Variants in MTMR3 observed in about 807,000 individuals in gnomAD.
MTMR3 encodes the protein phosphatidylinositol-3,5-bisphosphate 3-phosphatase MTMR3.
Under a neutral mutation model 132.4 loss-of-function variants are expected in MTMR3, and 32 were observed. The observed-to-expected ratio is 0.24, with a 90% CI of 0.18 to 0.32. MTMR3 has a LOEUF of 0.32. Among genes scored for constraint, MTMR3 ranks in the 10% least tolerant of loss-of-function variants. The probability of loss-of-function intolerance (pLI) is 1.00; values close to 1 mark genes in which losing one functional copy is unlikely to be tolerated. For synonymous variants in MTMR3, 556 were observed against 550.3 expected, an observed-to-expected ratio of 1.01 and a Z score of -0.14; for missense variants, 1,216 against 1,489.6, an observed-to-expected ratio of 0.82 and a Z score of 3.02.
intron 2 of MTMR3, among the ~76,000 whole-genome samples, chr22:29,967,945 G>A (rs2066461056): frequency 6.8e-6 from 1 of 146,204 alleles, no homozygotes; most frequent in African/African-American, 2.5e-5. Flanking sequence ...GTGTGTGTGT[G>A]TATTTTTTGT....
intron 2 of MTMR3, among the ~76,000 whole-genome samples, chr22:29,967,236 T>TGCATGCGC (rs1555908339): frequency 1.4e-5 from 2 of 139,614 alleles, no homozygotes; most frequent in African/African-American, 5.3e-5. Context: ...TGTGTGTGCA[T>TGCATGCGC]GCGCGCGCGC....
chr22:29,951,627 T>A (rs531283016), intron 1 of MTMR3, among the ~76,000 whole-genome samples: 1 of 152,346 alleles, frequency 6.6e-6, no homozygotes, highest in South Asian at 2.1e-4. Flanking sequence ...GAGTGATTTT[T>A]AAGCATTAAT....
chr22:29,906,130 A>G (rs2065089200), intron 1 of MTMR3, among the ~76,000 whole-genome samples: 1 of 152,158 alleles, frequency 6.6e-6, no homozygotes, highest in Non-Finnish European at 1.5e-5. Context: ...AACCGGGACT[A>G]GGTGTGTACC....
Position 29,928,455 on chromosome 22 carries a change from A to G in MTMR3, c.-137-28581A>G, listed in dbSNP as rs140218390. ...CCAAAGTGGTGGGATTACAGGCATG[A>G]GCCACTGTGCCTGGCCACATTTTTT... On this transcript the variant is annotated intron_variant, in intron 1 of 19. Coordinates refer to ENST00000401950, the MANE Select transcript of MTMR3 (RefSeq NM_021090.4). Among the ~76,000 whole-genome samples, 267 of 152,208 alleles carry G rather than the reference A, an allele frequency of 1.8e-3. 1 individual carries two copies. The highest frequency in any genetic ancestry group is 6.3e-3 in the African/African-American group (260 of 41,554).
At position 29,919,219 on chromosome 22, in the gene MTMR3, GA is replaced by G. The variant is rs901526749; in HGVS notation, c.-138+35865del. 5.3e-5 allele frequency among the ~76,000 whole-genome samples: 8 copies of G among 152,164 alleles called. No homozygotes were observed. The South Asian group carries it at 6.2e-4, about 12-fold the overall frequency. On this transcript the variant is annotated intron_variant, in intron 1 of 19. Coordinates refer to ENST00000401950, the MANE Select transcript of MTMR3 (RefSeq NM_021090.4). Reference sequence around the variant, plus strand: ...TTCTTGTTCTTCCTTTTTTCTGGGGGAAAAAGTTTTCTCTAGGTCTCATCTC... The same window carrying G: ...TTCTTGTTCTTCCTTTTTTCTGGGGGAAAAGTTTTCTCTAGGTCTCATCTC...
chr22:30,012,437 G>C lies in MTMR3; in HGVS notation c.1191G>C (p.Leu397=). 1.2e-6 allele frequency: 2 copies of C among 1,614,146 alleles called. No individual in the cohort carries two copies. The highest frequency in any genetic ancestry group is 1.7e-6 in the Non-Finnish European group (2 of 1,180,028). Residue 397 remains leucine, a synonymous_variant, in exon 13 of 20, where the codon CTG becomes CTC. Coordinates refer to ENST00000401950, the MANE Select transcript of MTMR3 (RefSeq NM_021090.4). ...HLSVLLKSAL[L]VVHAVDQDQR... is the part of the protein sequence containing the mutation. ...CTGTGCTTCTGAAATCAGCGCTTCT[G>C]GTAGTGCATGCTGTGGATCAGGATC...
chr22:29,953,765 T>C (rs2066128004), intron 1 of MTMR3, among the ~76,000 whole-genome samples: 1 of 152,184 alleles, frequency 6.6e-6, no homozygotes, highest in Admixed American at 6.5e-5. Flanking sequence ...TATACCCCTC[T>C]TGGAGATGGA....
chr22:30,023,321 A>G, intron 19 of MTMR3: 1 of 832,564 alleles, frequency 1.2e-6, no homozygotes. Flanking sequence ...CACCCACACG[A>G]GTGGGTGGAT....
In MTMR3 at chr22:29,901,413, A is replaced by G. The variant is rs375683345; in HGVS notation, c.-138+18054A>G. On this transcript the variant is annotated intron_variant, in intron 1 of 19. Coordinates refer to ENST00000401950, the MANE Select transcript of MTMR3 (RefSeq NM_021090.4). ...TGCTTCGGTGGTTTAAGCAGCATCT[A>G]TTTGGTCTTGGTATTAGAGCAATAA... 1.3e-3 allele frequency among the ~76,000 whole-genome samples: 196 copies of G among 152,276 alleles called. 1 individual carries two copies. The South Asian group carries it at 0.029, about 23-fold the overall frequency.
intron 4 of MTMR3, 38 bp from the exon 5 acceptor site, chr22:29,978,898 C>G: frequency 7.4e-7 from 1 of 1,343,744 alleles, no homozygotes; most frequent in Non-Finnish European, 1.0e-6. Context: ...TTTTTTTTAA[C>G]TGCTTCAGAA....
intron 2 of MTMR3, among the ~76,000 whole-genome samples, chr22:29,968,720 C>G (rs1035174547): frequency 6.6e-6 from 1 of 152,194 alleles, no homozygotes; most frequent in African/African-American, 2.4e-5. Flanking sequence ...AATTTCTGTT[C>G]ACAGTGGTGT....
At position 29,948,731 on chromosome 22, in the gene MTMR3, G is replaced by A. The variant is rs867288183; in HGVS notation, c.-137-8305G>A. Among the ~76,000 whole-genome samples, 5 of 151,354 alleles carry A rather than the reference G, an allele frequency of 3.3e-5. 1 individual carries two copies. The Middle Eastern group carries it at 0.017, about 529-fold the overall frequency. ...AACAAAGCATATTAGAATAAGCAGT[G>A]TAAATTTTGCACCTTTCAAAAAGAT... On this transcript the variant is annotated intron_variant, in intron 1 of 19. Transcript: ENST00000401950.
chr22:29,929,468 G>T (rs2065595811), intron 1 of MTMR3, among the ~76,000 whole-genome samples: 1 of 151,706 alleles, frequency 6.6e-6, no homozygotes, highest in African/African-American at 2.4e-5. Flanking sequence ...CATTTCTTTT[G>T]TAATTTTTTT....
rs556703356 is a variant in MTMR3, at chr22:29,934,000, T to C, written c.-137-23036T>C. ...ACATGTTTTTAGGGTAGTTGATTTA[T>C]GGATAAAAACATGTTTATATTATGT... On this transcript the variant is annotated intron_variant, in intron 1 of 19. Coordinates refer to ENST00000401950, the MANE Select transcript of MTMR3 (RefSeq NM_021090.4). 4.5e-3 allele frequency among the ~76,000 whole-genome samples: 681 copies of C among 152,312 alleles called. 6 individuals are homozygous for C. Among genetic ancestry groups the C allele is most frequent in the African/African-American group, 0.015 (643 of 41,572 alleles).
At chr22:29,928,171 CTTTTTTTTTTTTTT>C (rs66896756) in intron 1 of MTMR3, among the ~76,000 whole-genome samples, 1 of 107,704 alleles carries the variant, frequency 9.3e-6, no homozygotes, top group African/African-American at 3.6e-5. Flanking sequence ...TTTTTTTTTT[CTTTTTTTTTTTTTT>C]TTTTTAGACA....
At chr22:29,904,104 GACA>G in intron 1 of MTMR3, among the ~76,000 whole-genome samples, 1 of 152,298 alleles carries the variant, frequency 6.6e-6, no homozygotes, top group East Asian at 1.9e-4. Flanking sequence ...CTTTAACTGA[GACA>G]ACAATGTTGG....
intron 7 of MTMR3, 92 bp from the exon 8 acceptor site, chr22:29,998,669 T>C: frequency 3.0e-6 from 2 of 661,900 alleles, no homozygotes; most frequent in Non-Finnish European, 4.9e-6. Flanking sequence ...TTTACATATA[T>C]GTAACATATG....
intron 2 of MTMR3, among the ~76,000 whole-genome samples, chr22:29,958,721 T>C (rs1222229687): frequency 6.6e-6 from 1 of 152,248 alleles, no homozygotes; most frequent in African/African-American, 2.4e-5. Flanking sequence ...TCTTGTCTTA[T>C]TAGTTATATT....
rs1016266747 is a variant in MTMR3 at position 30,022,009 on chromosome 22, C to T, written c.3226-20C>T. On this transcript the variant is annotated intron_variant, in intron 17 of 19. Coordinates refer to ENST00000401950, the MANE Select transcript of MTMR3 (RefSeq NM_021090.4). The stretch of plus-strand genomic sequence containing the variant: ...AGGAGACCAGGTTCATTCTGTTCAG[C>T]TGTGTTTGTTTGCCAACAGACTTCA... The T allele has an allele frequency of 5.1e-6, 8 of 1,578,352 alleles. No homozygotes were observed. The highest frequency in any genetic ancestry group is 7.0e-6 in the Non-Finnish European group (8 of 1,147,442).
Sources: allele counts gnomAD v4.1 joint callset (sites outside exome capture counted in the v4.1 genomes callset), GRCh38; gene constraint gnomAD v4.1.1; transcripts MANE v1.5; gene names NCBI Gene and HGNC (gene_info 2026-07-23, HGNC 2026-07-21).